The following CPA6 variants were observed in gnomAD, a reference collection of about 807,000 sequenced individuals.
The protein encoded by CPA6 is carboxypeptidase B.
CPA6 carries 58 observed loss-of-function variants against 63.3 expected under a neutral mutation model. That is an observed-to-expected ratio of 0.92 (90% CI 0.74 to 1.14). The LOEUF (loss-of-function observed/expected upper bound fraction) is 1.14. Among genes scored for constraint, CPA6 ranks in the 50% most tolerant of loss-of-function variants. CPA6 has a pLI of 0.00. For synonymous variants in CPA6, 185 were observed against 179.0 expected (o/e 1.03, Z -0.27); for missense variants, 565 against 526.6 (o/e 1.07, Z -0.71).
intron 1 of CPA6, among the ~76,000 whole-genome samples, chr8:67,706,902 C>T (rs1817147453): frequency 6.6e-6 from 1 of 152,080 alleles, no homozygotes; most frequent in South Asian, 2.1e-4. Context: ...TGCACTGTAT[C>T]TGTATAAATG....
In CPA6 at chr8:67,434,140, G is replaced by A. The variant is rs978961467; in HGVS notation, c.939C>T (p.His313=). ...AGAGATAAGCCCTAATGTGCTTTCT[G>A]TGTTTTCGAAGGAAGTTAGCTACAG... ...VKAVANFLRK[H]RKHIRAYLSF... Residue 313 remains histidine (H), a synonymous_variant, in exon 9 of 11, where the codon CAC becomes CAT. Transcript: ENST00000297770. The A allele has an allele frequency of 4.8e-5, 78 of 1,613,886 alleles. No homozygotes were observed. The highest frequency in any genetic ancestry group is 6.4e-5 in the Non-Finnish European group (76 of 1,179,900).
intron 1 of CPA6, among the ~76,000 whole-genome samples, chr8:67,651,439 ATTTCC>A (rs1815834345): frequency 6.6e-6 from 1 of 151,970 alleles, no homozygotes; most frequent in Non-Finnish European, 1.5e-5. Context: ...ACCACACGCC[ATTTCC>A]TTTTATTTAT....
At chr8:67,438,788 AG>A (rs1300794285) in intron 8 of CPA6, among the ~76,000 whole-genome samples, 2 of 152,134 alleles carry the variant, frequency 1.3e-5, no homozygotes, top group Non-Finnish European at 2.9e-5. Flanking sequence ...GGAGGTGGGC[AG>A]GGAAGGCAAA....
rs572134917 is a variant in CPA6, at chr8:67,439,140, A to T, written c.839-4900T>A. On this transcript the variant is annotated intron_variant, in intron 8 of 10. Transcript: ENST00000297770. Reference sequence around the variant, plus strand: ...TGAGATCCCATCTCTACAAAAATTTAAAAAAATTAGCCAGGTATGGTGGCA... The same window carrying T: ...TGAGATCCCATCTCTACAAAAATTTTAAAAAATTAGCCAGGTATGGTGGCA... Among the ~76,000 whole-genome samples the T allele has an allele frequency of 1.3e-4, 20 of 151,976 alleles. No homozygotes were observed. In the South Asian group the frequency reaches 1.9e-3, roughly 14 times the overall value.
chr8:67,640,899 A>G (rs990519847), intron 1 of CPA6, among the ~76,000 whole-genome samples: 1 of 151,672 alleles, frequency 6.6e-6, no homozygotes, highest in Non-Finnish European at 1.5e-5. Context: ...CTGTGCCTTC[A>G]GCAGGGTGCT....
intron 1 of CPA6, among the ~76,000 whole-genome samples, chr8:67,723,927 A>G (rs1160138617): frequency 6.6e-6 from 1 of 152,236 alleles, no homozygotes; most frequent in Non-Finnish European, 1.5e-5. Flanking sequence ...AACCATTAAG[A>G]TGGTTTCTAT....
rs1564021340 is a variant in CPA6 at position 67,607,216 on chromosome 8, CT to C, written c.192+16959del. On this transcript the variant is annotated intron_variant, in intron 2 of 10. Coordinates refer to ENST00000297770, the MANE Select transcript of CPA6 (RefSeq NM_020361.5). ...TCTTCTTCTTCTTCTTCTTCTTCTT[CT>C]TCTTCTTCTTCTTCTTCTTCTTCTT... Among the ~76,000 whole-genome samples, 188 of 105,658 alleles carry C rather than the reference CT, an allele frequency of 1.8e-3. 21 individuals carry two copies. Among genetic ancestry groups the C allele is most frequent in the Middle Eastern group, 5.1e-3 (1 of 196 alleles). The allele number at this position is 105,658 out of a possible 152,430, so 69.3% of individuals were successfully genotyped here.
At chr8:67,621,051 C>T (rs1001881010) in intron 2 of CPA6, among the ~76,000 whole-genome samples, 1 of 152,190 alleles carries the variant, frequency 6.6e-6, no homozygotes, top group Non-Finnish European at 1.5e-5. Context: ...ATCTACATAA[C>T]TTTACCCCAA....
Position 67,704,044 on chromosome 8 carries a change from C to T in CPA6, c.116+41970G>A, listed in dbSNP as rs140406292. Among the ~76,000 whole-genome samples, 301 of 152,274 alleles carry T rather than the reference C, an allele frequency of 2.0e-3. 3 individuals are homozygous for T. Among genetic ancestry groups the T allele is most frequent in the South Asian group, 0.012 (56 of 4,820 alleles). On this transcript the variant is annotated intron_variant, in intron 1 of 10. Transcript: ENST00000297770. Reference sequence around the variant, plus strand: ...TTATCCCAGGCCCCTTATCCTCCTCCAGAGGTTCCTCCTTTATGTCAGGTG... The same window carrying T: ...TTATCCCAGGCCCCTTATCCTCCTCTAGAGGTTCCTCCTTTATGTCAGGTG...
rs111358334 is a variant in CPA6 at position 67,621,549 on chromosome 8, C to T, written c.192+2627G>A. On this transcript the variant is annotated intron_variant, in intron 2 of 10. Transcript: ENST00000297770. ...ACTAGATCCATGTTCCAATCCCATA[C>T]TGTGGCTTGGGCAAGTTACTTAACT... 4.5e-3 allele frequency among the ~76,000 whole-genome samples: 682 copies of T among 152,340 alleles called. 1 individual carries two copies. The highest frequency in any genetic ancestry group is 0.021 in the South Asian group (99 of 4,826).
At chr8:67,658,027 A>G (rs374902818) in intron 1 of CPA6, among the ~76,000 whole-genome samples, 4 of 152,152 alleles carry the variant, frequency 2.6e-5, no homozygotes, top group East Asian at 1.9e-4. Context: ...TTTCAGCCAC[A>G]CTGGCGTCCT....
intron 2 of CPA6, among the ~76,000 whole-genome samples, chr8:67,579,306 G>A (rs1161804891): frequency 2.0e-5 from 3 of 152,134 alleles, no homozygotes; most frequent in Non-Finnish European, 4.4e-5. Context: ...CCAGCTGCTT[G>A]GGAGGCTGAG....
chr8:67,729,394 A>G (rs753179014), intron 1 of CPA6, among the ~76,000 whole-genome samples: 1 of 152,188 alleles, frequency 6.6e-6, no homozygotes, highest in Non-Finnish European at 1.5e-5. Context: ...TTATTTTAAG[A>G]TTTAAAAACT....
chr8:67,661,144 C>T (rs558039677), intron 1 of CPA6, among the ~76,000 whole-genome samples: 22 of 152,222 alleles, frequency 1.4e-4, no homozygotes, highest in African/African-American at 5.3e-4. Context: ...ACACAGAGTG[C>T]CAGGTGAAGG....
chr8:67,505,782 G>A (rs919200878), intron 6 of CPA6, among the ~76,000 whole-genome samples: 1 of 152,122 alleles, frequency 6.6e-6, no homozygotes, highest in Non-Finnish European at 1.5e-5. Flanking sequence ...TGACATTTGT[G>A]AGCTGTGTTT....
chr8:67,641,148 C>T (rs976919349), intron 1 of CPA6, among the ~76,000 whole-genome samples: 8 of 151,724 alleles, frequency 5.3e-5, no homozygotes, highest in Admixed American at 1.3e-4. Context: ...GATAGCCTGC[C>T]GCTGCCATCA....
chr8:67,632,537 C>T (rs1163860408), intron 1 of CPA6, among the ~76,000 whole-genome samples: 2 of 151,978 alleles, frequency 1.3e-5, no homozygotes, highest in Non-Finnish European at 2.9e-5. Context: ...CTCTCGAATT[C>T]CTGGACTCAA....
Position 67,430,171 on chromosome 8 carries a change from G to GTGTA in CPA6, c.1042-2041_1042-2040insTACA, listed in dbSNP as rs1225024769. On this transcript the variant is annotated intron_variant, in intron 9 of 10. Transcript: ENST00000297770. ...TGTGTGTGTGTGTGTGTGTGTGTGT[G>GTGTA]TATATATTTTGTTTTTTTTTTTTTT... Among the ~76,000 whole-genome samples, 320 of 104,846 alleles carry GTGTA rather than the reference G, an allele frequency of 3.1e-3. 2 individuals are homozygous for GTGTA. Among genetic ancestry groups the GTGTA allele is most frequent in the African/African-American group, 0.012 (295 of 24,854 alleles). 68.8% of individuals were successfully genotyped at this position (104,846 alleles called of 152,430 possible). A position where few individuals can be genotyped will look rare whatever the true frequency, so the allele number is the denominator to read the frequency against.
At chr8:67,487,512 TA>T (rs1470252975) in intron 6 of CPA6, among the ~76,000 whole-genome samples, 2 of 152,204 alleles carry the variant, frequency 1.3e-5, no homozygotes, top group African/African-American at 4.8e-5. Context: ...GCAATAAACA[TA>T]ACGTGTGCAT....
Sources: allele counts gnomAD v4.1 joint callset (sites outside exome capture counted in the v4.1 genomes callset), GRCh38; gene constraint gnomAD v4.1.1; transcripts MANE v1.5; gene names NCBI Gene and HGNC (gene_info 2026-07-23, HGNC 2026-07-21).